Variants in TLE4 observed in about 807,000 individuals in gnomAD.
TLE4 encodes the protein transducin-like enhancer protein 4.
TLE4 carries 8 observed loss-of-function variants against 92.8 expected under a neutral mutation model. The ratio of observed to expected loss-of-function variants is 0.09; its 90% CI spans 0.05 to 0.16. The LOEUF is 0.16. Ranked by LOEUF, TLE4 falls within the 10% of genes least tolerant of loss-of-function variation. The probability of loss-of-function intolerance (pLI) is 1.00; values close to 1 mark genes in which losing one functional copy is unlikely to be tolerated. For missense variants in TLE4, 675 were observed against 997.6 expected (o/e 0.68, Z 4.36); for synonymous variants, 371 against 374.1 (o/e 0.99, Z 0.10).
intron 17 of TLE4, 30 bp downstream of exon 17, chr9:79,721,918 A>T: frequency 1.2e-6 from 2 of 1,601,418 alleles, no homozygotes; most frequent in Non-Finnish European, 1.7e-6. Context: ...CATTTTAAAG[A>T]TACGGTTTTA....
rs540315891 is a variant in TLE4 at position 79,599,966 on chromosome 9, T to A, written c.253-12690T>A. 2.6e-5 allele frequency among the ~76,000 whole-genome samples: 4 copies of A among 152,240 alleles called. No homozygotes were observed. In the South Asian group the frequency reaches 8.3e-4, roughly 31 times the overall value. ...CCCTCCACCTATGATGTGAGCTCCA[T>A]GACCGCAGGGATTTACTTGTCTTGT... On this transcript the variant is annotated intron_variant, in intron 4 of 19. Coordinates refer to ENST00000376552, the MANE Select transcript of TLE4 (RefSeq NM_007005.6).
chr9:79,607,975 T>C (rs1355297627), intron 4 of TLE4, among the ~76,000 whole-genome samples: 1 of 152,044 alleles, frequency 6.6e-6, no homozygotes, highest in African/African-American at 2.4e-5. Flanking sequence ...GATTTTGGGC[T>C]GAGACGATGG....
At chr9:79,592,210 TTCTTCC>T (rs1407763669) in intron 4 of TLE4, among the ~76,000 whole-genome samples, 4 of 129,182 alleles carry the variant, frequency 3.1e-5, no homozygotes, top group Non-Finnish European at 3.3e-5. Flanking sequence ...CTTCTTCTTC[TTCTTCC>T]TCTTCTTCTT....
At chr9:79,598,100 T>G (rs954677080) in intron 4 of TLE4, among the ~76,000 whole-genome samples, 1 of 141,648 alleles carries the variant, frequency 7.1e-6, no homozygotes, top group African/African-American at 2.6e-5. Flanking sequence ...AAAAAAAAAC[T>G]TACCCAGGCG....
At chr9:79,706,725 T>C (rs1438010260) in intron 10 of TLE4, 22 bp from the exon 11 acceptor site, 2 of 1,606,682 alleles carry the variant, frequency 1.2e-6, no homozygotes, top group Admixed American at 1.7e-5. Context: ...CTTGCATTAC[T>C]GTCCACGATG....
intron 8 of TLE4, among the ~76,000 whole-genome samples, chr9:79,700,820 A>G (rs892771932): frequency 5.3e-5 from 8 of 152,078 alleles, no homozygotes; most frequent in Non-Finnish European, 1.2e-4. Flanking sequence ...TGACTCTCCA[A>G]TCATAACAGA....
At chr9:79,642,238 AAAG>A (rs984094971) in intron 6 of TLE4, among the ~76,000 whole-genome samples, 1 of 152,054 alleles carries the variant, frequency 6.6e-6, no homozygotes, top group Non-Finnish European at 1.5e-5. Context: ...CTTAAAAAAA[AAAG>A]AAAAAAAAGA....
chr9:79,679,672 T>C lies in TLE4; in HGVS notation c.610-25111T>C, dbSNP rs539024640. 3.3e-5 allele frequency among the ~76,000 whole-genome samples: 5 copies of C among 152,350 alleles called. No individual in the cohort carries two copies. In the East Asian group the frequency reaches 7.7e-4, roughly 23 times the overall value. On this transcript the variant is annotated intron_variant, in intron 8 of 19. Transcript: ENST00000376552. The stretch of plus-strand genomic sequence containing the variant: ...TCTCTTGCCATTGCTTTTGGTGTTT[T>C]AGACATGAAATCCTTGCCCATGCCT...
intron 5 of TLE4, among the ~76,000 whole-genome samples, chr9:79,614,397 C>G (rs1001485676): frequency 3.9e-5 from 6 of 152,034 alleles, no homozygotes; most frequent in African/African-American, 9.7e-5. Flanking sequence ...GTTGATGAAG[C>G]TGATTTGCCA....
At chr9:79,628,123 G>A (rs1202115553) in intron 6 of TLE4, among the ~76,000 whole-genome samples, 1 of 151,750 alleles carries the variant, frequency 6.6e-6, no homozygotes, top group East Asian at 1.9e-4. Context: ...ATAAAATAAT[G>A]TGCTGAAACT....
Position 79,666,281 on chromosome 9 carries a change from G to A in TLE4, c.609+12206G>A, listed in dbSNP as rs1270318657. Among the ~76,000 whole-genome samples the A allele has an allele frequency of 2.7e-5, 4 of 146,436 alleles. No homozygotes were observed. In the Admixed American group the frequency reaches 2.8e-4, roughly 10 times the overall value. ...ATGTCACCCAAGCTGCTGCTGGAGT[G>A]CAGTGTCATGATCTCGGCTCACTGC... On this transcript the variant is annotated intron_variant, in intron 8 of 19. Coordinates refer to ENST00000376552, the MANE Select transcript of TLE4 (RefSeq NM_007005.6).
chr9:79,666,958 A>G (rs2061496865), intron 8 of TLE4, among the ~76,000 whole-genome samples: 1 of 152,256 alleles, frequency 6.6e-6, no homozygotes, highest in South Asian at 2.1e-4. Context: ...CCTTAGTGAT[A>G]ACCTGAAAGA....
In TLE4 at chr9:79,607,935, C is replaced by T. The variant is rs190617452; in HGVS notation, c.253-4721C>T. Among the ~76,000 whole-genome samples the T allele has an allele frequency of 5.3e-4, 81 of 151,840 alleles. 1 individual carries two copies. The highest frequency in any genetic ancestry group is 4.9e-3 in the Admixed American group (74 of 15,226). Reference sequence around the variant, plus strand: ...AAAGTAGTTTTTTCCAATTCTGAGACTTTGCTGAAGTTGCTTATCAGCTTA... The same window carrying T: ...AAAGTAGTTTTTTCCAATTCTGAGATTTTGCTGAAGTTGCTTATCAGCTTA... On this transcript the variant is annotated intron_variant, in intron 4 of 19. Transcript: ENST00000376552.
At chr9:79,655,034 C>A (rs141183889) in intron 8 of TLE4, among the ~76,000 whole-genome samples, 1 of 152,142 alleles carries the variant, frequency 6.6e-6, no homozygotes, top group Non-Finnish European at 1.5e-5. Flanking sequence ...CCCAGCTACT[C>A]AGGAGTCTGA....
At chr9:79,618,626 T>C (rs2133255331) in intron 5 of TLE4, among the ~76,000 whole-genome samples, 1 of 152,110 alleles carries the variant, frequency 6.6e-6, no homozygotes, top group Non-Finnish European at 1.5e-5. Context: ...ATTTTCCTCC[T>C]TCTACACTCC....
At position 79,649,271 on chromosome 9, in the gene TLE4, TACACAC is replaced by T. The variant is rs61394180; in HGVS notation, c.391-3296_391-3291del. On this transcript the variant is annotated intron_variant, in intron 6 of 19. Transcript: ENST00000376552. ...GAAGACAGGGACGGACATACATACA[TACACAC>T]ACACACACACACACACACACACACA... 2.3e-3 allele frequency among the ~76,000 whole-genome samples: 336 copies of T among 147,332 alleles called. 1 individual carries two copies. The highest frequency in any genetic ancestry group is 7.5e-3 in the East Asian group (37 of 4,948).
intron 4 of TLE4, among the ~76,000 whole-genome samples, chr9:79,602,459 T>G (rs1385448003): frequency 6.6e-6 from 1 of 152,176 alleles, no homozygotes; most frequent in East Asian, 1.9e-4. Context: ...CAATGCTCAT[T>G]TATCATTCCA....
At chr9:79,579,481 G>A (rs2039000302) in intron 4 of TLE4, among the ~76,000 whole-genome samples, 2 of 152,180 alleles carry the variant, frequency 1.3e-5, no homozygotes, top group Non-Finnish European at 1.5e-5. Flanking sequence ...ACCATCTTTT[G>A]AAAAGGGGAG....
intron 5 of TLE4, among the ~76,000 whole-genome samples, chr9:79,615,989 G>A (rs1347615544): frequency 6.6e-6 from 1 of 152,126 alleles, no homozygotes; most frequent in African/African-American, 2.4e-5. Context: ...GAAAAACCTT[G>A]TGAACCCTCA....
Sources: gnomAD v4.1 joint callset for allele counts (sites outside exome capture counted in the v4.1 genomes callset) on GRCh38, gnomAD v4.1.1 for gene constraint, MANE v1.5 for transcripts, NCBI Gene and HGNC (gene_info 2026-07-23, HGNC 2026-07-21) for gene names.